YLPM1: variants seen among roughly 807,000 people sequenced by gnomAD.
YLPM1 encodes YLP motif containing 1, also known as YLP motif-containing protein 1.
In YLPM1, 99 loss-of-function variants were observed where a neutral mutation model predicts 230.0. That is an observed-to-expected ratio of 0.43 (90% CI 0.37 to 0.51). The LOEUF (loss-of-function observed/expected upper bound fraction) is 0.51. Among genes scored for constraint, YLPM1 ranks in the 20% least tolerant of loss-of-function variants. The probability of loss-of-function intolerance (pLI) is 0.00; values close to 1 mark genes in which losing one functional copy is unlikely to be tolerated. For synonymous variants in YLPM1, 984 were observed against 942.5 expected (o/e 1.04, Z -0.81); for missense variants, 2,592 against 2,707.7 (o/e 0.96, Z 0.95).
chr14:74,818,112 A>C, intron 15 of YLPM1, 119 bp from the exon 16 acceptor site: 2 of 432,008 alleles, frequency 4.6e-6, no homozygotes, highest in South Asian at 1.5e-4. Flanking sequence ...ATATTTAACA[A>C]ATATTTAATT....
chr14:74,824,345 C>G (rs1031008946), intron 18 of YLPM1, 38 bp downstream of exon 18: 1 of 1,591,172 alleles, frequency 6.3e-7, no homozygotes, highest in Non-Finnish European at 8.6e-7. Context: ...TATGTGATAC[C>G]TGATGGTAAT....
Position 74,809,422 on chromosome 14 carries a change from C to T in YLPM1, c.4564C>T (p.Pro1522Ser), listed in dbSNP as rs776245521. 6.2e-7 allele frequency: 1 copy of T among 1,608,530 alleles called. No homozygotes were observed. Among genetic ancestry groups the T allele is most frequent in the South Asian group, 1.1e-5 (1 of 89,956 alleles). Residue 1522 changes from proline (P) to serine (S), a missense_variant, in exon 7 of 21, where the codon CCA (proline) becomes TCA (serine). Pro to Ser is a moderately conservative substitution (Grantham distance 74, BLOSUM62 -1). Transcript: ENST00000325680. ...ACCTCCCCCTCCTATGGGCAAACCA[C>T]CAGGTTCAATTGTAAGACCCTCTGC... is the stretch of plus-strand genomic sequence containing the variant. Reference protein sequence around the residue: ...YRPPPPMGKPPGSIVRPSAPP... With the variant: ...YRPPPPMGKPSGSIVRPSAPP...
chr14:74,815,715 T>C (rs1461858847), intron 11 of YLPM1, among the ~76,000 whole-genome samples: 2 of 152,222 alleles, frequency 1.3e-5, no homozygotes, highest in African/African-American at 4.8e-5. Flanking sequence ...TGCTCTTCTT[T>C]TTCAAGTGTC....
Position 74,798,316 on chromosome 14 carries a change from G to C in YLPM1, c.3019G>C (p.Asp1007His), listed in dbSNP as rs1251367389. ...AGGCCTGCCTCGGCCAGATAATAGA[G>C]ATAATAGATTAGAAGGCAATAGAGG... is the stretch of plus-strand genomic sequence containing the variant. ...DKGLPRPDNR[D>H]NRLEGNRGNS... Residue 1007 changes from aspartate (D) to histidine (H), a missense_variant, in exon 5 of 21, where the codon GAT (aspartate) becomes CAT (histidine). Physicochemically the swap from Asp to His is moderately conservative, Grantham distance 81 (BLOSUM62 -1). Around this residue, in one of 4 missense-constraint regions of YLPM1, gnomAD observed 1,862 missense variants for 1,819.8 expected, o/e 1.02. Transcript: ENST00000325680. 6.2e-7 allele frequency: 1 copy of C among 1,613,792 alleles called. No homozygotes were observed. The highest frequency in any genetic ancestry group is 1.3e-5 in the African/African-American group (1 of 74,904).
chr14:74,782,077 T>A lies in YLPM1; in HGVS notation c.2034T>A (p.Gly678=). The part of the protein sequence containing the change: ...PALLPTPVSF[G]SAPPTTYHPP... ...TGCTTCCTACTCCTGTGTCTTTTGG[T>A]TCTGCCCCACCGACAACTTACCATC... The change falls in exon 4 of 21, where the codon GGT becomes GGA. Residue 678 remains glycine (G), a synonymous_variant. Transcript: ENST00000325680. 6.2e-7 allele frequency: 1 copy of A among 1,614,032 alleles called. No homozygotes were observed. The highest frequency in any genetic ancestry group is 8.5e-7 in the Non-Finnish European group (1 of 1,179,898).
In YLPM1 at chr14:74,763,322, G is replaced by A. The variant is rs900271601; in HGVS notation, c.-168G>A. ...GCCCAAGTCGCGTCCCCGCCTTCCC[G>A]GTCGCGGGCCCAGCTCGGGAGCGCC... On this transcript the variant is annotated 5_prime_UTR_variant, in exon 1 of 21. Transcript: ENST00000325680. The A allele has an allele frequency of 4.1e-6, 3 of 725,764 alleles. No homozygotes were observed. Among genetic ancestry groups the A allele is most frequent in the Non-Finnish European group, 5.9e-6 (3 of 506,406 alleles). The allele number at this position is 725,764 out of a possible 1,614,324, so 45.0% of individuals were successfully genotyped here.
rs372374302 is a variant in YLPM1 at position 74,818,613 on chromosome 14, A to C, written c.6030+299A>C. On this transcript the variant is annotated intron_variant, in intron 16 of 20. Coordinates refer to ENST00000325680, the MANE Select transcript of YLPM1 (RefSeq NM_019589.3). Reference sequence around the variant, plus strand: ...CATCAGTAGGTATCTTGTAAGAACAAGTACATTCTCTTTTGATTTGATGAC... The same window carrying C: ...CATCAGTAGGTATCTTGTAAGAACACGTACATTCTCTTTTGATTTGATGAC... Among the ~76,000 whole-genome samples, 254 of 152,312 alleles carry C rather than the reference A, an allele frequency of 1.7e-3. 4 individuals carry two copies. The South Asian group carries it at 0.05, about 30-fold the overall frequency.
chr14:74,829,146 C>T, intron 18 of YLPM1, 67 bp from the exon 19 acceptor site: 3 of 1,584,176 alleles, frequency 1.9e-6, no homozygotes, highest in Non-Finnish European at 2.6e-6. Flanking sequence ...CTTCTTTTCC[C>T]CTGTGTGTGT....
rs2091301903 is a variant in YLPM1 at position 74,799,385 on chromosome 14, G to GGT, written c.4088_4089insGT (p.Asp1364Ter). The stretch of plus-strand genomic sequence containing the variant: ...AGAAATCGAGAGCATGGGTATGATC[G>GGT]AGATTTCCGTGATAGGGGTGAGTTG... On this transcript the variant is annotated frameshift_variant, in exon 5 of 21. Coordinates refer to ENST00000325680, the MANE Select transcript of YLPM1 (RefSeq NM_019589.3). LOFTEE classifies it high-confidence loss of function. 1 of 1,613,884 alleles carries GGT rather than the reference G, an allele frequency of 6.2e-7. No individual in the cohort carries two copies. The highest frequency in any genetic ancestry group is 8.5e-7 in the Non-Finnish European group (1 of 1,179,900).
intron 1 of YLPM1, among the ~76,000 whole-genome samples, chr14:74,772,056 T>C (rs1303084857): frequency 3.9e-5 from 6 of 152,184 alleles, no homozygotes; most frequent in Non-Finnish European, 5.9e-5. Flanking sequence ...TATGATAACC[T>C]GGATAGGGAA....
chr14:74,827,102 C>T (rs1046050274), intron 18 of YLPM1, among the ~76,000 whole-genome samples: 1 of 152,070 alleles, frequency 6.6e-6, no homozygotes, highest in Non-Finnish European at 1.5e-5. Flanking sequence ...AACAGATTTT[C>T]AGAAATACCA....
intron 4 of YLPM1, among the ~76,000 whole-genome samples, chr14:74,796,968 C>CTTTTTTTTTT (rs3083626): frequency 2.2e-5 from 2 of 88,952 alleles, no homozygotes; most frequent in Non-Finnish European, 4.2e-5. Flanking sequence ...TTTATAATTG[C>CTTTTTTTTTT]TTTTTTTTTT....
rs776611829 is a variant in YLPM1 at position 74,798,007 on chromosome 14, G to T, written c.2710G>T (p.Asp904Tyr). 2 of 1,613,472 alleles carry T rather than the reference G, an allele frequency of 1.2e-6. No individual in the cohort carries two copies. Among genetic ancestry groups the T allele is most frequent in the African/African-American group, 2.7e-5 (2 of 74,870 alleles). The change falls in exon 5 of 21, where the codon GAC (aspartate) becomes TAC (tyrosine). Residue 904 changes from aspartate (D) to tyrosine (Y), a missense_variant. By Grantham distance (160) the Asp-to-Tyr change is radical (BLOSUM62 -3). Coordinates refer to ENST00000325680, the MANE Select transcript of YLPM1 (RefSeq NM_019589.3). ...GGCTCAGTCAAATGAGAATCTAAGC[G>T]ACTCTCAACAAGAGCCACCTAAAAG... The part of the protein sequence containing the change: ...KAAQSNENLS[D>Y]SQQEPPKSEV...
intron 3 of YLPM1, 142 bp downstream of exon 3, chr14:74,780,726 T>C (rs1350828628): frequency 2.1e-6 from 3 of 1,408,362 alleles, no homozygotes; most frequent in South Asian, 1.7e-5. Flanking sequence ...CAAGTAGTTA[T>C]CTGCCACATT....
intron 11 of YLPM1, among the ~76,000 whole-genome samples, chr14:74,813,426 T>A (rs1438641266): frequency 6.6e-6 from 1 of 152,152 alleles, no homozygotes; most frequent in African/African-American, 2.4e-5. Flanking sequence ...GATCTTTTTT[T>A]TTTTCCATTC....
intron 1 of YLPM1, among the ~76,000 whole-genome samples, chr14:74,769,583 G>C (rs929152622): frequency 6.8e-6 from 1 of 146,788 alleles, no homozygotes; most frequent in South Asian, 2.1e-4. Context: ...CAGAGTGCCC[G>C]GCCATTTTTT....
intron 18 of YLPM1, among the ~76,000 whole-genome samples, chr14:74,824,697 A>C (rs1412240723): frequency 6.6e-6 from 1 of 152,036 alleles, no homozygotes; most frequent in Non-Finnish European, 1.5e-5. Flanking sequence ...AAAATAATAT[A>C]AAGTTTAAAA....
At chr14:74,800,442 A>G (rs919053914) in intron 5 of YLPM1, among the ~76,000 whole-genome samples, 1 of 152,150 alleles carries the variant, frequency 6.6e-6, no homozygotes, top group African/African-American at 2.4e-5. Flanking sequence ...TGTATAATAA[A>G]CTCATTTAAT....
intron 6 of YLPM1, among the ~76,000 whole-genome samples, chr14:74,808,234 A>C (rs1008279040): frequency 3.3e-5 from 5 of 152,212 alleles, no homozygotes; most frequent in Non-Finnish European, 5.9e-5. Flanking sequence ...TGAATTATAT[A>C]ATATGTAGTC....
Sources: allele counts gnomAD v4.1 joint callset (sites outside exome capture counted in the v4.1 genomes callset), GRCh38; gene constraint gnomAD v4.1.1; regional missense constraint gnomAD v4.1.1; transcripts MANE v1.5; gene names NCBI Gene and HGNC (gene_info 2026-07-23, HGNC 2026-07-21).